IL6ST: variants seen among roughly 807,000 people sequenced by gnomAD.
IL6ST encodes the protein interleukin 6 cytokine family signal transducer.
Under a neutral mutation model 91.3 loss-of-function variants are expected in IL6ST, and 24 were observed. The observed-to-expected ratio is 0.26, with a 90% confidence interval of 0.19 to 0.37. The LOEUF is 0.37. Among genes scored for constraint, IL6ST ranks in the 10% least tolerant of loss-of-function variants. IL6ST has a pLI of 1.00. For missense variants in IL6ST, 914 were observed against 1,078.5 expected (o/e 0.85, Z 2.14); for synonymous variants, 351 against 373.6 (o/e 0.94, Z 0.70).
chr5:55,966,996 C>G (rs1383890011), intron 5 of IL6ST, among the ~76,000 whole-genome samples: 1 of 151,166 alleles, frequency 6.6e-6, no homozygotes, highest in African/African-American at 2.4e-5. Context: ...ATCTGTAGAT[C>G]TAAAAGCAAT....
intron 11 of IL6ST, among the ~76,000 whole-genome samples, chr5:55,953,009 C>T (rs1056270208): frequency 4.0e-5 from 6 of 151,698 alleles, no homozygotes; most frequent in Admixed American, 2.0e-4. Context: ...TGCAGTGAGC[C>T]GAGATCGCAC....
chr5:55,973,267 C>CAT (rs3040923), intron 3 of IL6ST, among the ~76,000 whole-genome samples: 36,662 of 151,890 alleles, frequency 0.24, 6,903 homozygotes, highest in African/African-American at 0.53. Context: ...TCCCATCCCA[C>CAT]GTTTTTCTTA....
rs1170168777 is a variant in IL6ST at position 55,955,914 on chromosome 5, C to A, written c.1267+111G>T. Reference sequence around the variant, plus strand: ...TTAAAAAATAAACAAGTGATTATCCCTGATACTGAGGAGACAGTCTTAGAT... The same window carrying A: ...TTAAAAAATAAACAAGTGATTATCCATGATACTGAGGAGACAGTCTTAGAT... On this transcript the variant is annotated intron_variant, in intron 10 of 16. Coordinates refer to ENST00000381298, the MANE Select transcript of IL6ST (RefSeq NM_002184.4). 4.9e-6 allele frequency: 3 copies of A among 608,658 alleles called. No individual in the cohort carries two copies. In the East Asian group the frequency reaches 8.1e-5, roughly 16 times the overall value. The allele number at this position is 608,658 out of a possible 1,614,324, so 37.7% of individuals were successfully genotyped here.
chr5:55,942,809 C>G, intron 15 of IL6ST, 58 bp from the exon 16 acceptor site: 3 of 895,730 alleles, frequency 3.3e-6, no homozygotes, highest in Non-Finnish European at 5.5e-6. Context: ...AATAAATAGT[C>G]CCTATTTCTA....
rs142939816 is a variant in IL6ST, at chr5:55,947,657, A to C, written c.1841-68T>G. ...AATAATGTTGACATATGAACTAAGA[A>C]GACATAATACAACTTCCCAACCAGA... On this transcript the variant is annotated intron_variant, in intron 14 of 16. Coordinates refer to ENST00000381298, the MANE Select transcript of IL6ST (RefSeq NM_002184.4). 46 of 901,076 alleles carry C rather than the reference A, an allele frequency of 5.1e-5. No individual in the cohort carries two copies. In the African/African-American group the frequency reaches 7.6e-4, roughly 15 times the overall value. 55.8% of individuals were successfully genotyped at this position (901,076 alleles called of 1,614,324 possible).
rs1371143935 is a variant in IL6ST, at chr5:55,954,978, T to C, written c.1282A>G (p.Met428Val). The C allele has an allele frequency of 2.5e-6, 4 of 1,601,124 alleles. No homozygotes were observed. The highest frequency in any genetic ancestry group is 2.3e-5 in the South Asian group (2 of 87,614). The change falls in exon 11 of 17, where the codon ATG becomes GTG. Residue 428 changes from methionine (M) to valine (V), a missense_variant. Coordinates refer to ENST00000381298, the MANE Select transcript of IL6ST (RefSeq NM_002184.4). The part of the protein sequence containing the change: ...ACDFQATHPV[M>V]DLKAFPKDNM... ...TCTTTGGGGAATGCTTTAAGATCCA[T>C]TACAGGGTGAGTAGCTTTAAAACAA...
intron 3 of IL6ST, among the ~76,000 whole-genome samples, chr5:55,975,656 C>T (rs1753245901): frequency 6.6e-6 from 1 of 152,106 alleles, no homozygotes; most frequent in African/African-American, 2.4e-5. Context: ...GTGTGAGCCA[C>T]CATGTCCAGC....
intron 12 of IL6ST, 48 bp downstream of exon 12, chr5:55,952,202 A>C (rs1183393280): frequency 6.6e-7 from 1 of 1,517,406 alleles, no homozygotes; most frequent in African/African-American, 1.4e-5. Context: ...GTTTCTGTTA[A>C]TACAAAGCCC....
At chr5:55,986,178 A>C (rs1753957820) in intron 1 of IL6ST, among the ~76,000 whole-genome samples, 1 of 152,234 alleles carries the variant, frequency 6.6e-6, no homozygotes, top group Non-Finnish European at 1.5e-5. Flanking sequence ...TGATTTTCTG[A>C]CTACTACTTC....
intron 7 of IL6ST, among the ~76,000 whole-genome samples, chr5:55,962,010 T>G (rs148824371): frequency 0.011 from 1,622 of 152,174 alleles, 31 homozygotes; most frequent in African/African-American, 0.037. Context: ...AAAACAAAAG[T>G]TTTCCTGGCT....
intron 15 of IL6ST, chr5:55,944,753 G>C (rs1580785719): frequency 1.0e-6 from 1 of 996,804 alleles, no homozygotes. Flanking sequence ...TTGTTGCACC[G>C]TGGAGGCCAC....
chr5:55,989,647 G>A (rs185791626), intron 1 of IL6ST, among the ~76,000 whole-genome samples: 25 of 152,064 alleles, frequency 1.6e-4, no homozygotes, highest in Non-Finnish European at 2.8e-4. Flanking sequence ...TTTTTATTCC[G>A]TTACAAACAT....
In IL6ST at chr5:55,994,790, C is replaced by G. The variant is rs1028076712; in HGVS notation, c.-110G>C. The G allele has an allele frequency of 1.3e-5, 2 of 152,856 alleles. No individual in the cohort carries two copies. Among genetic ancestry groups the G allele is most frequent in the Admixed American group, 1.3e-4 (2 of 15,304 alleles). The allele number at this position is 152,856 out of a possible 1,614,324, so 9.5% of individuals were successfully genotyped here. A position where few individuals can be genotyped will look rare whatever the true frequency, so the allele number is the denominator to read the frequency against. On this transcript the variant is annotated 5_prime_UTR_variant, in exon 1 of 17. Coordinates refer to ENST00000381298, the MANE Select transcript of IL6ST (RefSeq NM_002184.4). Reference sequence around the variant, plus strand: ...GCACCCGGCCCCTCCTCACCTCAGGCCGCGCCGCCTCGACCCTCCGCGTCT... The same window carrying G: ...GCACCCGGCCCCTCCTCACCTCAGGGCGCGCCGCCTCGACCCTCCGCGTCT...
intron 3 of IL6ST, among the ~76,000 whole-genome samples, chr5:55,974,251 A>G (rs1216305303): frequency 6.6e-6 from 1 of 152,226 alleles, no homozygotes; most frequent in African/African-American, 2.4e-5. Flanking sequence ...TTTATAATAA[A>G]TATGCAGTAA....
intron 1 of IL6ST, among the ~76,000 whole-genome samples, chr5:55,985,968 G>A (rs1753944805): frequency 6.6e-6 from 1 of 152,206 alleles, no homozygotes; most frequent in South Asian, 2.1e-4. Flanking sequence ...AAGGTAGGAT[G>A]ACTCCTACTC....
chr5:55,973,390 C>T (rs1006781935), intron 3 of IL6ST, among the ~76,000 whole-genome samples: 29 of 152,150 alleles, frequency 1.9e-4, no homozygotes, highest in African/African-American at 6.3e-4. Context: ...TGCTATGAGA[C>T]TTCAGAGGCT....
chr5:55,979,577 G>A (rs1301998843), intron 2 of IL6ST, among the ~76,000 whole-genome samples: 2 of 152,156 alleles, frequency 1.3e-5, no homozygotes, highest in South Asian at 2.1e-4. Flanking sequence ...ACTAAGCAAC[G>A]AAAGTATCGT....
intron 14 of IL6ST, chr5:55,950,311 T>TG: frequency 5.0e-6 from 2 of 399,254 alleles, no homozygotes; most frequent in South Asian, 3.6e-5. Flanking sequence ...CCGAGGCAGG[T>TG]GGATCACCTG....
At position 55,939,880 on chromosome 5, in the gene IL6ST, T is replaced by C. The variant is rs1299756164; in HGVS notation, c.*1202A>G. ...TAAAATACCATCTCTTTATTAAGTGTCTCTACAATAATGATATTTGCTAAG... is the reference window on the plus strand; with the variant it reads ...TAAAATACCATCTCTTTATTAAGTGCCTCTACAATAATGATATTTGCTAAG... On this transcript the variant is annotated 3_prime_UTR_variant, in exon 17 of 17. Coordinates refer to ENST00000381298, the MANE Select transcript of IL6ST (RefSeq NM_002184.4). 4.9e-6 allele frequency: 1 copy of C among 203,980 alleles called. No individual in the cohort carries two copies. Among genetic ancestry groups the C allele is most frequent in the African/African-American group, 2.3e-5 (1 of 43,816 alleles). The allele number at this position is 203,980 out of a possible 1,614,324, so 12.6% of individuals were successfully genotyped here. A position where few individuals can be genotyped will look rare whatever the true frequency, so the allele number is the denominator to read the frequency against.
Sources: gnomAD v4.1 joint callset for allele counts (sites outside exome capture counted in the v4.1 genomes callset) on GRCh38, gnomAD v4.1.1 for gene constraint, MANE v1.5 for transcripts, NCBI Gene and HGNC (gene_info 2026-07-23, HGNC 2026-07-21) for gene names.